AHI1: variants seen among roughly 807,000 people sequenced by gnomAD.
AHI1 encodes jouberin.
Under a neutral mutation model 149.3 loss-of-function variants are expected in AHI1, and 123 were observed. The ratio of observed to expected loss-of-function variants is 0.82; its 90% CI spans 0.71 to 0.96. The LOEUF is 0.96. Among genes scored for constraint, AHI1 ranks in the 40% least tolerant of loss-of-function variants. The pLI is 0.00. For synonymous variants in AHI1, 475 were observed against 459.8 expected, an observed-to-expected ratio of 1.03 and a Z score of -0.42; for missense variants, 1,439 against 1,422.7, an observed-to-expected ratio of 1.01 and a Z score of -0.18.
intron 11 of AHI1, among the ~76,000 whole-genome samples, chr6:135,452,684 C>T (rs963495878): frequency 6.6e-6 from 1 of 152,104 alleles, no homozygotes; most frequent in South Asian, 2.1e-4. Context: ...ATTAACATCC[C>T]GTTGACCTTA....
At chr6:135,410,534 T>G (rs147173727) in intron 21 of AHI1, among the ~76,000 whole-genome samples, 30 of 152,334 alleles carry the variant, frequency 2.0e-4, no homozygotes, top group African/African-American at 7.2e-4. Context: ...ACCATAGTTT[T>G]CACCTATCTC....
intron 24 of AHI1, among the ~76,000 whole-genome samples, chr6:135,335,465 C>G (rs1359740655): frequency 6.6e-6 from 1 of 151,612 alleles, no homozygotes; most frequent in East Asian, 1.9e-4. Context: ...AAACCACTCT[C>G]AGAGAGCTTC....
chr6:135,489,877 T>C (rs1351644224), intron 5 of AHI1: 1 of 250,494 alleles, frequency 4.0e-6, no homozygotes, highest in African/African-American at 2.3e-5. Flanking sequence ...GGATTATAAC[T>C]CATTATAAAA....
intron 23 of AHI1, among the ~76,000 whole-genome samples, chr6:135,379,954 C>A (rs1776465046): frequency 9.3e-6 from 1 of 106,962 alleles, no homozygotes; most frequent in Non-Finnish European, 2.0e-5. Flanking sequence ...CCCTCCTTCC[C>A]CTTCTCCCTC....
rs764546253 is a variant in AHI1 at position 135,383,226 on chromosome 6, C to CTTTTTTTTTTTTTTTTTTTTT, written c.3109+11529_3109+11549dup. On this transcript the variant is annotated intron_variant, in intron 23 of 28. Transcript: ENST00000265602. ...GATTGATTCCTTCCTTCCCCCCTCC[C>CTTTTTTTTTTTTTTTTTTTTT]TTTTTTTTTTTTTTTTTTTTTGAGA... 9.1e-5 allele frequency among the ~76,000 whole-genome samples: 7 copies of CTTTTTTTTTTTTTTTTTTTTT among 76,868 alleles called. 2 individuals carry two copies. The highest frequency in any genetic ancestry group is 3.3e-4 in the African/African-American group (5 of 15,038). 50.4% of individuals were successfully genotyped at this position (76,868 alleles called of 152,430 possible).
At chr6:135,361,445 T>G (rs1303223054) in intron 23 of AHI1, among the ~76,000 whole-genome samples, 1 of 152,190 alleles carries the variant, frequency 6.6e-6, no homozygotes, top group Non-Finnish European at 1.5e-5. Flanking sequence ...TAGTAGGGAT[T>G]CATTTACAAA....
At chr6:135,298,984 AT>A (rs996771390) in intron 27 of AHI1, among the ~76,000 whole-genome samples, 17 of 150,786 alleles carry the variant, frequency 1.1e-4, no homozygotes, top group African/African-American at 2.9e-4. Context: ...AAACATGGTC[AT>A]TTTTTTTTGG....
intron 24 of AHI1, among the ~76,000 whole-genome samples, chr6:135,354,158 G>T (rs1387285379): frequency 2.0e-5 from 3 of 152,070 alleles, no homozygotes; most frequent in Non-Finnish European, 4.4e-5. Flanking sequence ...TTTGCTAAAA[G>T]AAGCTTTGTT....
intron 23 of AHI1, among the ~76,000 whole-genome samples, chr6:135,385,940 T>A (rs2128473506): frequency 6.6e-6 from 1 of 152,322 alleles, no homozygotes; most frequent in Middle Eastern, 3.4e-3. Flanking sequence ...ATTCACAACA[T>A]TTTTACCATT....
At chr6:135,456,703 T>C (rs1397871358) in intron 9 of AHI1, among the ~76,000 whole-genome samples, 1 of 152,182 alleles carries the variant, frequency 6.6e-6, no homozygotes, top group Non-Finnish European at 1.5e-5. Flanking sequence ...CCCACTGGCT[T>C]TCCAAACAAT....
At chr6:135,449,972 G>C (rs1020154147) in intron 11 of AHI1, among the ~76,000 whole-genome samples, 3 of 152,212 alleles carry the variant, frequency 2.0e-5, no homozygotes, top group East Asian at 1.9e-4. Context: ...AAGTGGCAGA[G>C]AGAGTAGCAC....
chr6:135,450,816 G>A (rs1029481178), intron 11 of AHI1, among the ~76,000 whole-genome samples: 1 of 152,082 alleles, frequency 6.6e-6, no homozygotes, highest in African/African-American at 2.4e-5. Context: ...TTACTTTTTA[G>A]TTTAAAAGAA....
chr6:135,482,858 A>G (rs370774013), intron 5 of AHI1, among the ~76,000 whole-genome samples: 2 of 138,976 alleles, frequency 1.4e-5, no homozygotes, highest in East Asian at 2.1e-4. Flanking sequence ...TCTGGGATAC[A>G]GTTAAATGAC....
At chr6:135,336,167 C>T (rs1027305290) in intron 24 of AHI1, among the ~76,000 whole-genome samples, 14 of 144,920 alleles carry the variant, frequency 9.7e-5, no homozygotes, top group African/African-American at 3.3e-4. Context: ...ACATACACTA[C>T]ATAATAACAT....
intron 24 of AHI1, among the ~76,000 whole-genome samples, chr6:135,351,751 C>T (rs1792146627): frequency 6.6e-6 from 1 of 152,156 alleles, no homozygotes; most frequent in Non-Finnish European, 1.5e-5. Context: ...ATCTTAAATA[C>T]ATGATCATAT....
rs376916356 is a variant in AHI1, at chr6:135,387,756, T to TA, written c.3109+7019dup. The TA allele has an allele frequency of 0.061, 58,420 of 954,600 alleles. 362 individuals are homozygous for TA. The highest frequency in any genetic ancestry group is 0.065 in the Middle Eastern group (163 of 2,512). The allele number at this position is 954,600 out of a possible 1,614,324, so 59.1% of individuals were successfully genotyped here. A position where few individuals can be genotyped will look rare whatever the true frequency, so the allele number is the denominator to read the frequency against. ...TAAAACAAACTGTATAATTTCAAAC[T>TA]AAAAAAAAAAATCAAAAAAGCCTCC... On this transcript the variant is annotated intron_variant, in intron 23 of 28. Coordinates refer to ENST00000265602, the MANE Select transcript of AHI1 (RefSeq NM_001134831.2).
chr6:135,361,749 TTAGGAGGTATC>T (rs1283348489), intron 23 of AHI1, among the ~76,000 whole-genome samples: 6 of 151,956 alleles, frequency 3.9e-5, no homozygotes, highest in African/African-American at 1.4e-4. Flanking sequence ...TTCAGTTTAA[TTAGGAGGTATC>T]TATGGTTTCA....
chr6:135,407,238 A>G (rs1389803622), intron 21 of AHI1, among the ~76,000 whole-genome samples: 4 of 152,220 alleles, frequency 2.6e-5, no homozygotes, highest in Non-Finnish European at 5.9e-5. Flanking sequence ...AACCTGTACC[A>G]TAATTTATTA....
intron 11 of AHI1, among the ~76,000 whole-genome samples, chr6:135,452,966 T>TG (rs1788364965): frequency 6.6e-6 from 1 of 152,198 alleles, no homozygotes; most frequent in South Asian, 2.1e-4. Flanking sequence ...TGAAATCAAT[T>TG]GTTTTATGTT....
Sources: allele counts gnomAD v4.1 joint callset (sites outside exome capture counted in the v4.1 genomes callset), GRCh38; gene constraint gnomAD v4.1.1; transcripts MANE v1.5; gene names NCBI Gene and HGNC (gene_info 2026-07-23, HGNC 2026-07-21).